Variants in SLC1A1 observed in about 807,000 individuals in gnomAD.
SLC1A1 encodes the protein excitatory amino acid transporter 3.
A neutral mutation model predicts 53.3 loss-of-function variants in SLC1A1; 43 were observed. The observed-to-expected ratio is 0.81, with a 90% CI of 0.63 to 1.04. SLC1A1 has a LOEUF of 1.04. SLC1A1 is among the 50% of genes least tolerant of loss of function. The pLI is 0.00. For synonymous variants in SLC1A1, 307 were observed against 243.2 expected (o/e 1.26, Z -2.44); for missense variants, 748 against 664.9 (o/e 1.12, Z -1.37).
intron 1 of SLC1A1, among the ~76,000 whole-genome samples, chr9:4,533,690 A>G (rs1816563498): frequency 6.6e-6 from 1 of 152,294 alleles, no homozygotes; most frequent in South Asian, 2.1e-4. Flanking sequence ...CCAGGAATTG[A>G]ACTCAGCTCT....
chr9:4,537,488 A>G (rs1266903629), intron 1 of SLC1A1, among the ~76,000 whole-genome samples: 1 of 95,136 alleles, frequency 1.1e-5, no homozygotes, highest in East Asian at 2.1e-4. Flanking sequence ...GAACCCGGGA[A>G]GCGGAGCTTG....
At chr9:4,560,223 G>C (rs971661784) in intron 2 of SLC1A1, 1 of 152,198 alleles carries the variant, frequency 6.6e-6, no homozygotes, top group Admixed American at 6.5e-5. Flanking sequence ...ATCATGAAAA[G>C]AGGAAGGAAA....
intron 1 of SLC1A1, among the ~76,000 whole-genome samples, chr9:4,521,853 A>G (rs1333385346): frequency 1.3e-5 from 2 of 152,080 alleles, no homozygotes; most frequent in South Asian, 2.1e-4. Context: ...TTACAAAGGG[A>G]GCAGCCCCAC....
At chr9:4,569,840 C>A (rs905772745) in intron 6 of SLC1A1, among the ~76,000 whole-genome samples, 1 of 152,204 alleles carries the variant, frequency 6.6e-6, no homozygotes, top group Non-Finnish European at 1.5e-5. Context: ...ACTTTCTGAG[C>A]ACCCTCTATA....
chr9:4,582,908 A>T, intron 10 of SLC1A1, 130 bp from the exon 11 acceptor site: 1 of 1,220,864 alleles, frequency 8.2e-7, no homozygotes. Flanking sequence ...CAAGTCACAG[A>T]TTCTAACTAC....
At chr9:4,531,154 G>A (rs1438578947) in intron 1 of SLC1A1, among the ~76,000 whole-genome samples, 1 of 152,218 alleles carries the variant, frequency 6.6e-6, no homozygotes, top group Non-Finnish European at 1.5e-5. Flanking sequence ...GGTGATTTCT[G>A]CATTTCCAAC....
chr9:4,573,761 A>G, intron 7 of SLC1A1, 146 bp from the exon 8 acceptor site: 1 of 741,150 alleles, frequency 1.3e-6, no homozygotes, highest in Non-Finnish European at 2.5e-6. Context: ...ACTTGAAACA[A>G]CTCTTAGCTT....
rs147832850 is a variant in SLC1A1 at position 4,561,527 on chromosome 9, T to C, written c.311T>C (p.Ile104Thr). The C allele has an allele frequency of 6.6e-4, 1,041 of 1,579,768 alleles. 10 individuals carry two copies. Among genetic ancestry groups the C allele is most frequent in the Non-Finnish European group, 1.3e-4 (149 of 1,148,712 alleles). The change falls in exon 3 of 12, where the codon ATT becomes ACT. Residue 104 changes from isoleucine (I) to threonine (T), a missense_variant. Transcript: ENST00000262352. ...AVVYYFCTTL[I>T]AVILGIVLVV... ...GTGTATTATTTCTGTACCACTCTCA[T>C]TGCTGTTATTCTAGGTAATACTTAT...
At chr9:4,509,572 A>AC (rs1820926692) in intron 1 of SLC1A1, among the ~76,000 whole-genome samples, 1 of 151,646 alleles carries the variant, frequency 6.6e-6, no homozygotes, top group African/African-American at 2.4e-5. Flanking sequence ...AAAAAAAAAA[A>AC]CCCAACCTCT....
intron 1 of SLC1A1, among the ~76,000 whole-genome samples, chr9:4,522,652 G>T (rs574087346): frequency 6.6e-6 from 1 of 152,150 alleles, no homozygotes; most frequent in East Asian, 1.9e-4. Flanking sequence ...GAGGCCTCAG[G>T]AAACTTACAA....
chr9:4,575,884 A>T, intron 8 of SLC1A1, 117 bp from the exon 9 acceptor site: 1 of 1,176,618 alleles, frequency 8.5e-7, no homozygotes, highest in Non-Finnish European at 1.2e-6. Flanking sequence ...CCCATTTCTT[A>T]TTGGGCCATT....
intron 1 of SLC1A1, among the ~76,000 whole-genome samples, chr9:4,498,807 AAT>A (rs202051563): frequency 1.1e-4 from 16 of 149,684 alleles, no homozygotes; most frequent in Admixed American, 7.4e-4. Flanking sequence ...TCTGCAAAAA[AAT>A]ATATATATAT....
chr9:4,572,973 C>T (rs761335905), intron 7 of SLC1A1, among the ~76,000 whole-genome samples: 3 of 152,176 alleles, frequency 2.0e-5, no homozygotes, highest in Admixed American at 6.5e-5. Flanking sequence ...AACCAGCCTT[C>T]GTGTAAGAAG....
rs777757441 is a variant in SLC1A1 at position 4,564,450 on chromosome 9, T to C, written c.432T>C (p.Asp144=). 2 of 1,605,870 alleles carry C rather than the reference T, an allele frequency of 1.2e-6. No homozygotes were observed. The highest frequency in any genetic ancestry group is 1.7e-6 in the Non-Finnish European group (2 of 1,173,354). ...TCAGTACGGTGGATGCCATGTTAGATCTCATCAGGTGAGTGTTTTGCCACA... is the reference window on the plus strand; with the variant it reads ...TCAGTACGGTGGATGCCATGTTAGACCTCATCAGGTGAGTGTTTTGCCACA... ...PEVSTVDAML[D]LIRNMFPENL... The change falls in exon 4 of 12, where the codon GAT becomes GAC. Residue 144 remains aspartate, a synonymous_variant. Transcript: ENST00000262352.
At chr9:4,561,673 C>A in intron 3 of SLC1A1, 132 bp downstream of exon 3, 1 of 737,224 alleles carries the variant, frequency 1.4e-6, no homozygotes, top group Non-Finnish European at 2.5e-6. Flanking sequence ...GGGCAGATCC[C>A]TTGAGGTCAG....
chr9:4,576,212 G>T, intron 9 of SLC1A1, 89 bp downstream of exon 9: 3 of 1,323,214 alleles, frequency 2.3e-6, no homozygotes, highest in Non-Finnish European at 3.3e-6. Flanking sequence ...CCAGCTTGCG[G>T]TTTTTGTAGC....
chr9:4,523,192 G>T (rs189359144), intron 1 of SLC1A1, among the ~76,000 whole-genome samples: 1 of 152,278 alleles, frequency 6.6e-6, no homozygotes, highest in East Asian at 1.9e-4. Flanking sequence ...CTCATTAGAT[G>T]TGAGCTCCTT....
intron 1 of SLC1A1, among the ~76,000 whole-genome samples, chr9:4,525,096 G>C (rs1294286800): frequency 6.6e-6 from 1 of 152,142 alleles, no homozygotes; most frequent in African/African-American, 2.4e-5. Context: ...AAAGTGATAT[G>C]ATCTTGGCCC....
intron 2 of SLC1A1, among the ~76,000 whole-genome samples, chr9:4,559,368 G>T (rs1818715511): frequency 6.6e-6 from 1 of 152,148 alleles, no homozygotes; most frequent in Non-Finnish European, 1.5e-5. Context: ...ACAGAGGCCA[G>T]AGCACCTTCT....
Sources: allele counts gnomAD v4.1 joint callset (sites outside exome capture counted in the v4.1 genomes callset), GRCh38; gene constraint gnomAD v4.1.1; transcripts MANE v1.5; gene names NCBI Gene and HGNC (gene_info 2026-07-23, HGNC 2026-07-21).